The following SPATA13 variants were observed in gnomAD, a reference collection of about 807,000 sequenced individuals.
SPATA13 encodes the protein spermatogenesis associated 13, also known as spermatogenesis-associated protein 13.
SPATA13 carries 50 observed loss-of-function variants against 104.0 expected under a neutral mutation model. The observed-to-expected ratio is 0.48, with a 90% CI of 0.38 to 0.61. SPATA13 has a LOEUF of 0.61. Among genes scored for constraint, SPATA13 ranks in the 20% least tolerant of loss-of-function variants. The pLI, the probability that SPATA13 is intolerant of heterozygous loss-of-function variation, is 0.00. For missense variants in SPATA13, 1,524 were observed against 1,690.6 expected, an observed-to-expected ratio of 0.90 and a Z score of 1.73; for synonymous variants, 606 against 667.5, an observed-to-expected ratio of 0.91 and a Z score of 1.42.
Position 24,297,345 on chromosome 13 carries a change from G to A in SPATA13, c.3211-18G>A, listed in dbSNP as rs1452354758. 4.4e-6 allele frequency: 7 copies of A among 1,594,046 alleles called. No homozygotes were observed. Among genetic ancestry groups the A allele is most frequent in the African/African-American group, 2.7e-5 (2 of 74,652 alleles). Reference sequence around the variant, plus strand: ...TGGTAGAATTGGAAGGTCTTAAGATGTGTTTTCATCCTTCCAGGGACTGGA... The same window carrying A: ...TGGTAGAATTGGAAGGTCTTAAGATATGTTTTCATCCTTCCAGGGACTGGA... On this transcript the variant is annotated intron_variant, in intron 10 of 12. Transcript: ENST00000382108.
chr13:24,296,654 G>A (rs919655774), intron 10 of SPATA13, among the ~76,000 whole-genome samples: 5 of 152,200 alleles, frequency 3.3e-5, no homozygotes, highest in East Asian at 3.9e-4. Context: ...GTAAGCCTGC[G>A]TGCTCTCACT....
chr13:24,103,868 G>C (rs1880349864), intron 3 of SPATA13, among the ~76,000 whole-genome samples: 1 of 152,062 alleles, frequency 6.6e-6, no homozygotes, highest in African/African-American at 2.4e-5. Context: ...CAGAGCTGCC[G>C]TGCCACTATT....
intron 3 of SPATA13, chr13:24,122,273 T>G (rs1317501946): frequency 7.4e-7 from 1 of 1,345,760 alleles, no homozygotes; most frequent in African/African-American, 1.4e-5. Context: ...ATTACGATTT[T>G]GAATAGTTTG....
chr13:24,120,167 C>G (rs1484451691), intron 3 of SPATA13, among the ~76,000 whole-genome samples: 1 of 152,054 alleles, frequency 6.6e-6, no homozygotes, highest in Admixed American at 6.5e-5. Flanking sequence ...CCTCCCTCCC[C>G]GGAAACTCTT....
At chr13:24,077,628 A>T (rs1277797390) in intron 3 of SPATA13, among the ~76,000 whole-genome samples, 2 of 133,292 alleles carry the variant, frequency 1.5e-5, no homozygotes, top group African/African-American at 3.0e-5. Context: ...ATAAAATTTA[A>T]AAAAAAAAGA....
chr13:24,068,377 A>G (rs1879041133), intron 3 of SPATA13, among the ~76,000 whole-genome samples: 1 of 151,988 alleles, frequency 6.6e-6, no homozygotes, highest in African/African-American at 2.4e-5. Context: ...TACTTTTTTT[A>G]TCCAATCTGT....
rs566718090 is a variant in SPATA13, at chr13:23,985,834, A to C, written c.-147+1901A>C. 1.3e-3 allele frequency among the ~76,000 whole-genome samples: 205 copies of C among 152,332 alleles called. 1 individual carries two copies. The highest frequency in any genetic ancestry group is 4.7e-3 in the African/African-American group (194 of 41,584). On this transcript the variant is annotated intron_variant, in intron 2 of 14. Coordinates refer to the SPATA13 transcript ENST00000424834. ...GCAAAGGAGAAAAGTGCTGGTCACA[A>C]CCCTAGATGGTGACTGAAGAGAGGA... is the stretch of plus-strand genomic sequence containing the variant.
chr13:24,209,100 T>G (rs1426024502), intron 1 of SPATA13, among the ~76,000 whole-genome samples: 1 of 152,190 alleles, frequency 6.6e-6, no homozygotes, highest in East Asian at 1.9e-4. Context: ...GGGGTCATTC[T>G]AACGGAGGTG....
At chr13:24,124,795 TTA>T (rs1156902028) in intron 3 of SPATA13, among the ~76,000 whole-genome samples, 12 of 152,228 alleles carry the variant, frequency 7.9e-5, no homozygotes, top group Non-Finnish European at 1.5e-5. Flanking sequence ...GTCCATTTTG[TTA>T]GTTTCTTACA....
At chr13:24,277,963 T>C (rs529117991) in intron 4 of SPATA13, among the ~76,000 whole-genome samples, 1 of 152,274 alleles carries the variant, frequency 6.6e-6, no homozygotes, top group Admixed American at 6.5e-5. Context: ...CAGGAGTCAT[T>C]AACTTTAAGG....
Position 24,297,515 on chromosome 13 carries a change from G to A in SPATA13, c.3363G>A (p.Leu1121=), listed in dbSNP as rs777179552. 10 of 1,614,100 alleles carry A rather than the reference G, an allele frequency of 6.2e-6. No individual in the cohort carries two copies. In the Middle Eastern group the frequency reaches 4.9e-4, roughly 80 times the overall value. The change falls in exon 11 of 13, where the codon CTG becomes CTA. Residue 1121 remains leucine, a synonymous_variant. Transcript: ENST00000382108. ...AGGACCTGCTGCGCAGGGACATGCT[G>A]TACTACAAGGGCCGGCTGGACATGG... ...CKKDLLRRDM[L]YYKGRLDMDE...
intron 3 of SPATA13, among the ~76,000 whole-genome samples, chr13:24,086,449 A>G (rs567031529): frequency 1.3e-5 from 2 of 152,224 alleles, no homozygotes; most frequent in African/African-American, 4.8e-5. Flanking sequence ...GGCTGCTCAT[A>G]GGGAAACGTG....
At chr13:24,043,527 T>G (rs1443737667) in intron 3 of SPATA13, among the ~76,000 whole-genome samples, 1 of 152,148 alleles carries the variant, frequency 6.6e-6, no homozygotes. Flanking sequence ...CACATGCATC[T>G]TGCACACCCA....
chr13:24,219,461 C>G (rs568140033), intron 1 of SPATA13, among the ~76,000 whole-genome samples: 2 of 152,228 alleles, frequency 1.3e-5, no homozygotes, highest in South Asian at 4.1e-4. Context: ...AACTTCTTCA[C>G]TCTATAAAAA....
intron 3 of SPATA13, among the ~76,000 whole-genome samples, chr13:24,097,614 G>C (rs1880123975): frequency 6.6e-6 from 1 of 152,252 alleles, no homozygotes. Context: ...GCAAAACTAG[G>C]TGCAAGATAG....
chr13:24,204,010 T>G (rs1870563335), intron 1 of SPATA13, among the ~76,000 whole-genome samples: 1 of 152,120 alleles, frequency 6.6e-6, no homozygotes, highest in South Asian at 2.1e-4. Flanking sequence ...TAATGTGGTG[T>G]GTGTTAGATG....
chr13:24,227,864 C>G (rs1354228328), intron 2 of SPATA13, among the ~76,000 whole-genome samples: 1 of 152,060 alleles, frequency 6.6e-6, no homozygotes. Context: ...GCCACCACGC[C>G]CGGCCTCAGA....
intron 1 of SPATA13, among the ~76,000 whole-genome samples, chr13:24,218,874 A>G (rs980243035): frequency 6.6e-5 from 10 of 152,080 alleles, no homozygotes; most frequent in African/African-American, 2.4e-4. Flanking sequence ...TTTTTTGTAC[A>G]TTTAATCTGT....
intron 3 of SPATA13, among the ~76,000 whole-genome samples, chr13:24,102,019 T>C (rs1177621818): frequency 2.6e-5 from 4 of 152,216 alleles, no homozygotes; most frequent in Non-Finnish European, 5.9e-5. Flanking sequence ...TGTTGGATCA[T>C]ATGGTGATTT....
Sources: gnomAD v4.1 joint callset for allele counts (sites outside exome capture counted in the v4.1 genomes callset) on GRCh38, gnomAD v4.1.1 for gene constraint, MANE v1.5 for transcripts, NCBI Gene and HGNC (gene_info 2026-07-23, HGNC 2026-07-21) for gene names.